TOGARAM1: variants seen among roughly 807,000 people sequenced by gnomAD.
The protein encoded by TOGARAM1 is TOG array regulator of axonemal microtubules protein 1.
In TOGARAM1, 100 loss-of-function variants were observed where a neutral mutation model predicts 166.6. The ratio of observed to expected loss-of-function variants is 0.60; its 90% CI spans 0.51 to 0.71. The LOEUF is 0.71. TOGARAM1 is among the 30% of genes least tolerant of loss of function. TOGARAM1 has a pLI of 0.00. For synonymous variants in TOGARAM1, 758 were observed against 763.8 expected (o/e 0.99, Z 0.13); for missense variants, 2,029 against 2,102.7 (o/e 0.96, Z 0.69).
At chr14:44,995,081 T>C (rs188293048) in intron 1 of TOGARAM1, among the ~76,000 whole-genome samples, 7 of 152,362 alleles carry the variant, frequency 4.6e-5, no homozygotes, top group African/African-American at 1.7e-4. Context: ...ATTCATGCTC[T>C]CATTTAGTTC....
chr14:45,040,276 T>C (rs1365177748), intron 11 of TOGARAM1, among the ~76,000 whole-genome samples: 4 of 151,976 alleles, frequency 2.6e-5, no homozygotes, highest in Non-Finnish European at 4.4e-5. Flanking sequence ...AAATAAAGAA[T>C]GAAACATCAA....
intron 11 of TOGARAM1, among the ~76,000 whole-genome samples, chr14:45,039,082 C>T (rs1461960908): frequency 6.6e-6 from 1 of 152,068 alleles, no homozygotes; most frequent in Admixed American, 6.5e-5. Flanking sequence ...TATCCACAGG[C>T]AGGTCGTTTT....
chr14:45,038,552 C>T (rs1881559356), intron 11 of TOGARAM1, among the ~76,000 whole-genome samples: 1 of 152,230 alleles, frequency 6.6e-6, no homozygotes, highest in Non-Finnish European at 1.5e-5. Context: ...CAAGCAGCTT[C>T]CACTGTGGGC....
chr14:45,028,479 G>A, intron 10 of TOGARAM1, 150 bp downstream of exon 10: 1 of 767,914 alleles, frequency 1.3e-6, no homozygotes, highest in South Asian at 1.8e-5. Context: ...TTAGCTTTGT[G>A]ACCTGGAAGC....
intron 3 of TOGARAM1, among the ~76,000 whole-genome samples, chr14:45,000,251 G>A (rs968363538): frequency 8.6e-5 from 13 of 151,958 alleles, no homozygotes; most frequent in South Asian, 4.2e-4. Context: ...CACCTGCCTC[G>A]GCCTCCCAAA....
rs372992496 is a variant in TOGARAM1 at position 45,028,337 on chromosome 14, G to A, written c.3658+8G>A. The A allele has an allele frequency of 1.9e-6, 3 of 1,579,854 alleles. No homozygotes were observed. Among genetic ancestry groups the A allele is most frequent in the Non-Finnish European group, 2.6e-6 (3 of 1,171,232 alleles). Reference sequence around the variant, plus strand: ...AGAAAATGGCATCTGAAAGTAAGTGGAATTTAAGTTTTGGTATTTTTTTTT... The same window carrying A: ...AGAAAATGGCATCTGAAAGTAAGTGAAATTTAAGTTTTGGTATTTTTTTTT... On this transcript the variant is annotated splice_region_variant and intron_variant, in intron 10 of 19. Transcript: ENST00000361462.
chr14:45,025,856 A>G lies in TOGARAM1; in HGVS notation c.3312A>G (p.Val1104=), dbSNP rs1177534181. 2.5e-6 allele frequency: 4 copies of G among 1,591,702 alleles called. No individual in the cohort carries two copies. The highest frequency in any genetic ancestry group is 1.1e-5 in the South Asian group (1 of 89,404). Reference sequence around the variant, plus strand: ...CAAAGGCTTTATCAGAAGACTCAGTAGTAGTTGTTGGAAAAGGTATTTCAA... The same window carrying G: ...CAAAGGCTTTATCAGAAGACTCAGTGGTAGTTGTTGGAAAAGGTATTTCAA... ...TTTKALSEDS[V]VVVGKGVFGS... Residue 1104 remains valine (V), a synonymous_variant, in exon 8 of 20, where the codon GTA becomes GTG. Transcript: ENST00000361462.
chr14:45,022,733 G>A (rs1452358059), intron 7 of TOGARAM1, among the ~76,000 whole-genome samples: 1 of 151,884 alleles, frequency 6.6e-6, no homozygotes, highest in Non-Finnish European at 1.5e-5. Context: ...CCTTCTGTAA[G>A]CATTTCTAAT....
At chr14:44,987,174 C>T (rs576247743) in intron 1 of TOGARAM1, among the ~76,000 whole-genome samples, 26 of 151,622 alleles carry the variant, frequency 1.7e-4, no homozygotes, top group Non-Finnish European at 2.5e-4. Context: ...GATCTGACCT[C>T]GTGATCTGCC....
intron 5 of TOGARAM1, chr14:45,007,511 G>A (rs1452081607): frequency 2.6e-5 from 4 of 151,932 alleles, no homozygotes; most frequent in Non-Finnish European, 4.4e-5. Flanking sequence ...ATTGAAAGGT[G>A]AGTTTCTGTT....
chr14:45,027,213 A>G, intron 8 of TOGARAM1, 86 bp from the exon 9 acceptor site: 1 of 1,342,738 alleles, frequency 7.4e-7, no homozygotes, highest in Non-Finnish European at 1.0e-6. Context: ...TTGATTCTTG[A>G]AGGCAAGAGC....
chr14:44,977,937 A>G (rs896848342), intron 1 of TOGARAM1, among the ~76,000 whole-genome samples: 4 of 152,226 alleles, frequency 2.6e-5, no homozygotes, highest in African/African-American at 7.2e-5. Context: ...GGCATGAGCC[A>G]CTGTGCCTGG....
chr14:45,026,590 A>G (rs1016887884), intron 8 of TOGARAM1, among the ~76,000 whole-genome samples: 10 of 152,082 alleles, frequency 6.6e-5, no homozygotes, highest in East Asian at 3.9e-4. Flanking sequence ...GAAACTTTCA[A>G]CTCTGCATGT....
At chr14:45,060,802 G>A (rs1242276341) in intron 16 of TOGARAM1, among the ~76,000 whole-genome samples, 2 of 152,136 alleles carry the variant, frequency 1.3e-5, no homozygotes, top group Non-Finnish European at 2.9e-5. Flanking sequence ...AAGTGATGTT[G>A]TACCCTTCTC....
intron 7 of TOGARAM1, among the ~76,000 whole-genome samples, chr14:45,020,525 A>G (rs968356945): frequency 1.3e-5 from 2 of 152,222 alleles, no homozygotes; most frequent in African/African-American, 4.8e-5. Context: ...TCCTGCTCGG[A>G]TAACAAAAGG....
At chr14:45,022,086 G>A (rs1347890197) in intron 7 of TOGARAM1, among the ~76,000 whole-genome samples, 19 of 151,896 alleles carry the variant, frequency 1.3e-4, no homozygotes. Flanking sequence ...CTTCCCCGAG[G>A]ATTGTGGCCT....
At position 44,962,301 on chromosome 14, in the gene TOGARAM1, A is replaced by G; in HGVS notation, c.-121A>G. ...TTGGGGGCGGCCTGGCGGCAGGCTG[A>G]AGCTGTTCTTTTGCCTCTTCTGCAG... On this transcript the variant is annotated 5_prime_UTR_variant, in exon 1 of 20. Transcript: ENST00000361462. 1 of 1,286,512 alleles carries G rather than the reference A, an allele frequency of 7.8e-7. No homozygotes were observed. Among genetic ancestry groups the G allele is most frequent in the Non-Finnish European group, 1.0e-6 (1 of 972,178 alleles). 79.7% of individuals were successfully genotyped at this position (1,286,512 alleles called of 1,614,324 possible).
chr14:44,988,268 A>G (rs1390835834), intron 1 of TOGARAM1, among the ~76,000 whole-genome samples: 1 of 152,162 alleles, frequency 6.6e-6, no homozygotes, highest in Non-Finnish European at 1.5e-5. Context: ...AAATCGTAAA[A>G]GCTTTTGAGT....
At chr14:45,045,589 G>A (rs370277222) in intron 13 of TOGARAM1, among the ~76,000 whole-genome samples, 2,392 of 30,100 alleles carry the variant, frequency 0.079, 55 homozygotes, top group African/African-American at 0.14. Context: ...ATATATGTGT[G>A]TGTGTGTGTG....
Sources: gnomAD v4.1 joint callset for allele counts (sites outside exome capture counted in the v4.1 genomes callset) on GRCh38, gnomAD v4.1.1 for gene constraint, MANE v1.5 for transcripts, NCBI Gene and HGNC (gene_info 2026-07-23, HGNC 2026-07-21) for gene names.